The following DDX4 variants were observed in gnomAD, a reference collection of about 807,000 sequenced individuals.
DDX4 encodes the protein probable ATP-dependent RNA helicase DDX4.
A neutral mutation model predicts 100.0 loss-of-function variants in DDX4; 25 were observed. That is an observed-to-expected ratio of 0.25 (90% CI 0.18 to 0.35). DDX4 has a LOEUF of 0.35. DDX4 is among the 10% of genes least tolerant of loss of function. DDX4 has a pLI of 1.00. For synonymous variants in DDX4, 259 were observed against 275.7 expected (o/e 0.94, Z 0.60); for missense variants, 635 against 882.4 (o/e 0.72, Z 3.55).
In DDX4 at chr5:55,753,598, G is replaced by C. The variant is rs1485407948; in HGVS notation, c.128-6602G>C. ...GGCCTTGTAGTATAGTTTGAAGTCA[G>C]GTAGTGTGATGCCTCCAGCTTTGTT... On this transcript the variant is annotated intron_variant, in intron 3 of 21. Transcript: ENST00000505374. Among the ~76,000 whole-genome samples, 3 of 151,848 alleles carry C rather than the reference G, an allele frequency of 2.0e-5. No homozygotes were observed. In the East Asian group the frequency reaches 5.8e-4, roughly 29 times the overall value.
chr5:55,782,564 C>A (rs751639726), intron 10 of DDX4, among the ~76,000 whole-genome samples: 1 of 151,734 alleles, frequency 6.6e-6, no homozygotes. Context: ...TACCACTGCA[C>A]TCCAGCCTGG....
At chr5:55,738,339 T>C (rs1018799435) in intron 1 of DDX4, 1 of 152,958 alleles carries the variant, frequency 6.5e-6, no homozygotes, top group Admixed American at 6.5e-5. Flanking sequence ...TGAACAGACA[T>C]GGTCCGAGTA....
Position 55,792,637 on chromosome 5 carries a change from A to G in DDX4, c.1303-4A>G. The G allele has an allele frequency of 1.3e-6, 2 of 1,502,752 alleles. No individual in the cohort carries two copies. The highest frequency in any genetic ancestry group is 1.8e-6 in the Non-Finnish European group (2 of 1,112,190). 93.1% of individuals were successfully genotyped at this position (1,502,752 alleles called of 1,614,324 possible). ...CTGTTTTACCTTTGAAAATATCCTT[A>G]AAGATTGGTCTCAAACAGATCAAAT... is the stretch of plus-strand genomic sequence containing the variant. On this transcript the variant is annotated splice_region_variant and splice_polypyrimidine_tract_variant and intron_variant, in intron 16 of 21. Coordinates refer to ENST00000505374, the MANE Select transcript of DDX4 (RefSeq NM_024415.3).
intron 17 of DDX4, among the ~76,000 whole-genome samples, chr5:55,794,308 C>T (rs1296923594): frequency 6.6e-6 from 1 of 151,628 alleles, no homozygotes; most frequent in Non-Finnish European, 1.5e-5. Flanking sequence ...CTGCCTCAGC[C>T]TCCCAAGTAG....
chr5:55,801,239 T>TA (rs1289407585), intron 18 of DDX4, among the ~76,000 whole-genome samples: 1 of 150,856 alleles, frequency 6.6e-6, no homozygotes, highest in Admixed American at 6.6e-5. Flanking sequence ...TTTTTGCGAT[T>TA]AAAAAAACAT....
Position 55,792,718 on chromosome 5 carries a change from G to T in DDX4, c.1380G>T (p.Met460Ile), listed in dbSNP as rs1227535609. The change falls in exon 17 of 22, where the codon ATG becomes ATT. Residue 460 changes from methionine (M) to isoleucine (I), a missense_variant. This residue lies in a region of DDX4 where 115 missense variants were observed against 224.7 expected (regional missense o/e 0.51). Coordinates refer to ENST00000505374, the MANE Select transcript of DDX4 (RefSeq NM_024415.3). Reference protein sequence around the residue: ...RMLDMGFGPEMKKLISCPGMP... With the variant: ...RMLDMGFGPEIKKLISCPGMP... The stretch of plus-strand genomic sequence containing the variant: ...TGGATATGGGTTTTGGTCCAGAAAT[G>T]AAGAAGTTAATTTCTTGCCCAGGAA... 1.2e-6 allele frequency: 2 copies of T among 1,603,810 alleles called. No homozygotes were observed. Among genetic ancestry groups the T allele is most frequent in the East Asian group, 2.3e-5 (1 of 44,326 alleles).
chr5:55,744,197 A>G (rs1759131483), intron 2 of DDX4, among the ~76,000 whole-genome samples: 1 of 152,170 alleles, frequency 6.6e-6, no homozygotes, highest in South Asian at 2.1e-4. Context: ...TGAGAAAGAA[A>G]TTTTAGCAAA....
chr5:55,742,249 G>A, intron 2 of DDX4: 1 of 456,244 alleles, frequency 2.2e-6, no homozygotes, highest in Non-Finnish European at 4.4e-6. Flanking sequence ...GAATGGATGG[G>A]TATGGTGAGT....
chr5:55,799,610 G>A (rs963409691), intron 18 of DDX4, among the ~76,000 whole-genome samples: 3 of 152,074 alleles, frequency 2.0e-5, no homozygotes, highest in Non-Finnish European at 4.4e-5. Context: ...TCCTGGGCTC[G>A]AGTGATCCAC....
intron 17 of DDX4, among the ~76,000 whole-genome samples, chr5:55,796,823 C>T (rs201386012): frequency 5.5e-4 from 33 of 59,940 alleles, no homozygotes; most frequent in Non-Finnish European, 7.8e-4. Flanking sequence ...TTCTTTCTTT[C>T]TTTTTTTTTT....
chr5:55,741,744 G>A (rs1331037644), intron 2 of DDX4, among the ~76,000 whole-genome samples: 1 of 151,756 alleles, frequency 6.6e-6, no homozygotes, highest in African/African-American at 2.4e-5. Context: ...AGCCAAGTCC[G>A]GGCAGCTGCA....
At chr5:55,781,499 G>A (rs969268798) in intron 9 of DDX4, among the ~76,000 whole-genome samples, 4 of 152,128 alleles carry the variant, frequency 2.6e-5, no homozygotes, top group African/African-American at 4.8e-5. Context: ...CCTAGAGGCC[G>A]GGCGTGGTGG....
At chr5:55,807,890 A>G (rs1198766320) in intron 18 of DDX4, among the ~76,000 whole-genome samples, 1 of 152,126 alleles carries the variant, frequency 6.6e-6, no homozygotes, top group African/African-American at 2.4e-5. Context: ...TGAAGTTCTC[A>G]TGGATAATAT....
At chr5:55,803,659 T>C (rs1360984886) in intron 18 of DDX4, among the ~76,000 whole-genome samples, 1 of 152,016 alleles carries the variant, frequency 6.6e-6, no homozygotes. Flanking sequence ...CATGAACTCA[T>C]CATTTTTTAT....
Position 55,785,289 on chromosome 5 carries a change from T to G in DDX4, c.626-8T>G, listed in dbSNP as rs1490281415. ...TGACCGATTGTCACTTATGAATTTC[T>G]TTAATAGGTGGTTACAAAGGTTTAA... On this transcript the variant is annotated splice_polypyrimidine_tract_variant and splice_region_variant and intron_variant, in intron 10 of 21. Transcript: ENST00000505374. The G allele has an allele frequency of 6.3e-7, 1 of 1,580,640 alleles. No individual in the cohort carries two copies.
chr5:55,752,305 G>T (rs1283738557), intron 3 of DDX4, among the ~76,000 whole-genome samples: 1 of 146,252 alleles, frequency 6.8e-6, no homozygotes, highest in Non-Finnish European at 1.5e-5. Flanking sequence ...CTAGCATTAG[G>T]TATATCTCCC....
intron 10 of DDX4, among the ~76,000 whole-genome samples, chr5:55,783,568 G>A (rs565728610): frequency 6.6e-6 from 1 of 152,218 alleles, no homozygotes; most frequent in South Asian, 2.1e-4. Flanking sequence ...TTAAAAGGCT[G>A]TTCCTTGGCT....
intron 7 of DDX4, among the ~76,000 whole-genome samples, chr5:55,778,541 G>A (rs1017883872): frequency 2.6e-5 from 4 of 152,126 alleles, no homozygotes; most frequent in Non-Finnish European, 5.9e-5. Flanking sequence ...ATACAATAGA[G>A]TGTTCAGCAG....
chr5:55,740,527 A>G (rs189948486), intron 2 of DDX4, among the ~76,000 whole-genome samples: 2 of 146,960 alleles, frequency 1.4e-5, no homozygotes, highest in Non-Finnish European at 3.0e-5. Context: ...TTTTTTTGAG[A>G]TGGAGTCTCA....
Sources: gnomAD v4.1 joint callset for allele counts (sites outside exome capture counted in the v4.1 genomes callset) on GRCh38, gnomAD v4.1.1 for gene constraint, gnomAD v4.1.1 regional missense constraint, MANE v1.5 for transcripts, NCBI Gene and HGNC (gene_info 2026-07-23, HGNC 2026-07-21) for gene names.